The following SCN10A variants were observed in gnomAD, a reference collection of about 807,000 sequenced individuals.
SCN10A encodes sodium channel protein type 10 subunit alpha.
A neutral mutation model predicts 170.7 loss-of-function variants in SCN10A; 162 were observed. The ratio of observed to expected loss-of-function variants is 0.95; its 90% CI spans 0.84 to 1.08. The LOEUF (loss-of-function observed/expected upper bound fraction) is 1.08, where lower values mean the gene tolerates loss of function less well. SCN10A is among the 50% of genes least tolerant of loss of function. The pLI is 0.00. For synonymous variants in SCN10A, 985 were observed against 904.6 expected, an observed-to-expected ratio of 1.09 and a Z score of -1.59; for missense variants, 2,527 against 2,436.9, an observed-to-expected ratio of 1.04 and a Z score of -0.78.
At chr3:38,803,759 T>A (rs1363500794) in intron 1 of SCN10A, among the ~76,000 whole-genome samples, 1 of 152,040 alleles carries the variant, frequency 6.6e-6, no homozygotes, top group Non-Finnish European at 1.5e-5. Context: ...GTAACAAACC[T>A]GCACATTGTG....
rs768541787 is a variant in SCN10A, at chr3:38,728,655, A to G, written c.2527T>C (p.Phe843Leu). 19 of 1,614,082 alleles carry G rather than the reference A, an allele frequency of 1.2e-5. No homozygotes were observed. Among genetic ancestry groups the G allele is most frequent in the Middle Eastern group, 1.6e-4 (1 of 6,084 alleles). ...ATCCACTCTCCACAGAGGATACGGA[A>G]GACAATGAGGAAAGAGTGGAAGAAG... The part of the protein sequence containing the change: ...HDFFHSFLIV[F>L]RILCGEWIEN... The change falls in exon 16 of 28, where the codon TTC (phenylalanine) becomes CTC (leucine). Residue 843 changes from phenylalanine to leucine, a missense_variant. Physicochemically the swap from Phe to Leu is conservative, Grantham distance 22. Transcript: ENST00000449082.
intron 12 of SCN10A, 104 bp downstream of exon 12, chr3:38,752,115 G>A: frequency 9.5e-7 from 1 of 1,056,276 alleles, no homozygotes; most frequent in Non-Finnish European, 1.3e-6. Flanking sequence ...CATTGGACAG[G>A]ATGATGGCTA....
chr3:38,732,485 C>T (rs1383692018), intron 15 of SCN10A, among the ~76,000 whole-genome samples: 1 of 152,202 alleles, frequency 6.6e-6, no homozygotes, highest in Non-Finnish European at 1.5e-5. Context: ...ATTATGTTAA[C>T]TCACAGATTT....
At chr3:38,732,609 C>T (rs1357020209) in intron 15 of SCN10A, among the ~76,000 whole-genome samples, 1 of 152,186 alleles carries the variant, frequency 6.6e-6, no homozygotes, top group Non-Finnish European at 1.5e-5. Context: ...GCTTAATGAT[C>T]ATGTGGTGGG....
At chr3:38,739,382 C>T (rs1345667250) in intron 15 of SCN10A, 133 bp downstream of exon 15, 7 of 740,372 alleles carry the variant, frequency 9.5e-6, no homozygotes, top group Non-Finnish European at 1.5e-5. Context: ...TCCAGTCGCC[C>T]AGGAGTCAGA....
At chr3:38,710,965 T>C (rs2063267714) in intron 23 of SCN10A, 68 bp from the exon 24 acceptor site, 1 of 1,380,934 alleles carries the variant, frequency 7.2e-7, no homozygotes, top group African/African-American at 1.4e-5. Context: ...TCCCAAGCCA[T>C]GGTGGCCCAG....
At chr3:38,723,619 C>A in intron 18 of SCN10A, 66 bp from the exon 19 acceptor site, 1 of 1,535,222 alleles carries the variant, frequency 6.5e-7, no homozygotes, top group South Asian at 1.2e-5. Flanking sequence ...TGCACACGGT[C>A]ACTGCAGGTT....
intron 26 of SCN10A, among the ~76,000 whole-genome samples, chr3:38,706,549 G>A (rs1220152560): frequency 6.6e-6 from 1 of 152,138 alleles, no homozygotes; most frequent in Non-Finnish European, 1.5e-5. Flanking sequence ...CCCCAAACCT[G>A]TTCATCCATT....
intron 16 of SCN10A, among the ~76,000 whole-genome samples, chr3:38,727,923 T>C (rs1441248449): frequency 1.3e-5 from 2 of 151,952 alleles, no homozygotes; most frequent in African/African-American, 4.8e-5. Context: ...AAACATGGAG[T>C]AGATTTTGTT....
chr3:38,736,406 T>TGTGTGTGTGTGTGTGG (rs200174644), intron 15 of SCN10A, among the ~76,000 whole-genome samples: 1 of 134,774 alleles, frequency 7.4e-6, no homozygotes, highest in African/African-American at 2.8e-5. Flanking sequence ...TGTGTGTGTG[T>TGTGTGTGTGTGTGTGG]TGTGGGATTG....
intron 13 of SCN10A, among the ~76,000 whole-genome samples, chr3:38,747,792 C>T (rs1251650708): frequency 6.6e-6 from 1 of 152,216 alleles, no homozygotes; most frequent in Non-Finnish European, 1.5e-5. Context: ...TGTCTGCGAA[C>T]TTTCTCCTCA....
chr3:38,708,915 A>G (rs756751094), intron 25 of SCN10A, among the ~76,000 whole-genome samples: 4 of 152,210 alleles, frequency 2.6e-5, no homozygotes, highest in Non-Finnish European at 5.9e-5. Flanking sequence ...AGGGGTATGG[A>G]AGGCATTAAA....
intron 4 of SCN10A, among the ~76,000 whole-genome samples, chr3:38,783,151 A>T (rs919821884): frequency 1.2e-4 from 19 of 152,186 alleles, no homozygotes; most frequent in Admixed American, 9.8e-4. Context: ...ACCTCCTTAG[A>T]GGCCCAATCT....
chr3:38,701,005 C>A lies in SCN10A; in HGVS notation c.4657+834G>T, dbSNP rs140705012. Among the ~76,000 whole-genome samples, 7 of 152,250 alleles carry A rather than the reference C, an allele frequency of 4.6e-5. No homozygotes were observed. In the East Asian group the frequency reaches 1.4e-3, roughly 29 times the overall value. On this transcript the variant is annotated intron_variant, in intron 27 of 27. Coordinates refer to ENST00000449082, the MANE Select transcript of SCN10A (RefSeq NM_006514.4). Reference sequence around the variant, plus strand: ...AGCCTGTTCTAAACTCAGCTTCAACCCTTGGAAACTCTGTGACCCTGCATA... The same window carrying A: ...AGCCTGTTCTAAACTCAGCTTCAACACTTGGAAACTCTGTGACCCTGCATA...
At chr3:38,728,504 C>A in intron 16 of SCN10A, 38 bp downstream of exon 16, 1 of 1,520,992 alleles carries the variant, frequency 6.6e-7, no homozygotes, top group South Asian at 1.3e-5. Flanking sequence ...TTCTCCTTTC[C>A]CCAGGAGACA....
intron 13 of SCN10A, among the ~76,000 whole-genome samples, chr3:38,745,565 A>G (rs576958615): frequency 1.1e-4 from 17 of 152,016 alleles, no homozygotes; most frequent in Non-Finnish European, 2.4e-4. Context: ...CCTTTTCCTC[A>G]CAGGCAAACT....
At chr3:38,799,295 C>T (rs2064358137) in intron 1 of SCN10A, among the ~76,000 whole-genome samples, 1 of 152,076 alleles carries the variant, frequency 6.6e-6, no homozygotes, top group Admixed American at 6.6e-5. Context: ...CAGGCAGTCC[C>T]CCATCACTCA....
intron 4 of SCN10A, among the ~76,000 whole-genome samples, chr3:38,788,607 A>AGT (rs1185536996): frequency 2.5e-5 from 3 of 120,326 alleles, no homozygotes; most frequent in East Asian, 5.1e-4. Flanking sequence ...CAGGTGAGTG[A>AGT]GTGTGTGTGT....
Position 38,727,001 on chromosome 3 carries a change from G to A in SCN10A, c.2692C>T (p.Leu898Phe). ...LLLNSFSADN[L>F]TAPEDDGEVN... ...TCCCCATCGTCCTCCGGGGCTGTGAGGTTGTCAGCACTGAAAGAGTTCAAT... is the reference window on the plus strand; with the variant it reads ...TCCCCATCGTCCTCCGGGGCTGTGAAGTTGTCAGCACTGAAAGAGTTCAAT... The change falls in exon 17 of 28, where the codon CTC becomes TTC. Residue 898 changes from leucine to phenylalanine, a missense_variant. Leu to Phe is a conservative substitution (Grantham distance 22). Coordinates refer to ENST00000449082, the MANE Select transcript of SCN10A (RefSeq NM_006514.4). 1 of 1,614,182 alleles carries A rather than the reference G, an allele frequency of 6.2e-7. No homozygotes were observed. Among genetic ancestry groups the A allele is most frequent in the East Asian group, 2.2e-5 (1 of 44,878 alleles).
Sources: allele counts gnomAD v4.1 joint callset (sites outside exome capture counted in the v4.1 genomes callset), GRCh38; gene constraint gnomAD v4.1.1; transcripts MANE v1.5; gene names NCBI Gene and HGNC (gene_info 2026-07-23, HGNC 2026-07-21).